AKAP9: variants seen among roughly 807,000 people sequenced by gnomAD.
AKAP9 encodes the protein A-kinase anchor protein 9.
A neutral mutation model predicts 488.5 loss-of-function variants in AKAP9; 311 were observed. That is an observed-to-expected ratio of 0.64 (90% confidence interval 0.58 to 0.70). The LOEUF is 0.70. Ranked by LOEUF, AKAP9 falls within the 30% of genes least tolerant of loss-of-function variation. AKAP9 has a pLI of 0.00. For missense variants in AKAP9, 4,215 were observed against 4,374.5 expected, an observed-to-expected ratio of 0.96 and a Z score of 1.03; for synonymous variants, 1,462 against 1,483.5, an observed-to-expected ratio of 0.99 and a Z score of 0.33.
chr7:92,017,200 G>C (rs1757119483), intron 12 of AKAP9, 98 bp downstream of exon 12: 1 of 929,952 alleles, frequency 1.1e-6, no homozygotes, highest in Non-Finnish European at 1.7e-6. Flanking sequence ...TAAAGTAAGA[G>C]AACATGAAAA....
intron 16 of AKAP9, among the ~76,000 whole-genome samples, chr7:92,034,383 T>G (rs1029640318): frequency 6.6e-6 from 1 of 151,532 alleles, no homozygotes; most frequent in Non-Finnish European, 1.5e-5. Flanking sequence ...TTTCTGCAGA[T>G]GTAACTGGAT....
chr7:92,070,827 C>CA, intron 27 of AKAP9, 78 bp from the exon 28 acceptor site: 1 of 648,452 alleles, frequency 1.5e-6, no homozygotes, highest in East Asian at 3.4e-5. Flanking sequence ...AAAAAAAAAG[C>CA]AGACCAAAAA....
chr7:92,110,106 T>C lies in AKAP9; in HGVS notation c.11687-16T>C, dbSNP rs549524911. 48 of 1,592,282 alleles carry C rather than the reference T, an allele frequency of 3.0e-5. No homozygotes were observed. Among genetic ancestry groups the C allele is most frequent in the Non-Finnish European group, 3.9e-5 (45 of 1,164,408 alleles). On this transcript the variant is annotated splice_polypyrimidine_tract_variant and intron_variant, in intron 49 of 49. Transcript: ENST00000356239. ...GTAATTTGAAATCAGTTGAATTTCC[T>C]GTTTTTCTCTCATAGGTTCAACTAC... is the stretch of plus-strand genomic sequence containing the variant.
At chr7:91,957,742 A>G (rs374627857) in intron 1 of AKAP9, among the ~76,000 whole-genome samples, 3 of 152,204 alleles carry the variant, frequency 2.0e-5, no homozygotes, top group African/African-American at 7.2e-5. Context: ...CAAATGATGA[A>G]AGTTCATTTC....
At chr7:92,067,305 C>G (rs904604179) in intron 26 of AKAP9, among the ~76,000 whole-genome samples, 1 of 152,200 alleles carries the variant, frequency 6.6e-6, no homozygotes, top group Non-Finnish European at 1.5e-5. Context: ...TTAGATGTCT[C>G]AAAATTAACA....
intron 16 of AKAP9, among the ~76,000 whole-genome samples, chr7:92,035,484 A>G (rs1474653817): frequency 1.3e-5 from 2 of 152,178 alleles, no homozygotes; most frequent in Non-Finnish European, 2.9e-5. Flanking sequence ...TTCCTTTAGC[A>G]TTTCTTTTAG....
In AKAP9 at chr7:92,108,534, G is replaced by C; in HGVS notation, c.11587G>C (p.Ala3863Pro). 3.7e-6 allele frequency: 6 copies of C among 1,614,112 alleles called. No individual in the cohort carries two copies. The highest frequency in any genetic ancestry group is 5.1e-6 in the Non-Finnish European group (6 of 1,180,018). Residue 3863 changes from alanine to proline, a missense_variant, in exon 49 of 50, where the codon GCA becomes CCA. Physicochemically the swap from Ala to Pro is conservative, Grantham distance 27. Around this residue, in one of 5 missense-constraint regions of AKAP9, gnomAD observed 253 missense variants for 266.8 expected, o/e 0.95. Transcript: ENST00000356239. The part of the protein sequence containing the change: ...TPADFNPGSL[A>P]CSQLQNYDPD... ...AGCTGATTTCAATCCTGGTTCTTTA[G>C]CATGTTCTCAGCTTCAGAATTACGA...
intron 12 of AKAP9, among the ~76,000 whole-genome samples, chr7:92,022,015 G>T (rs1430529533): frequency 6.6e-6 from 1 of 152,076 alleles, no homozygotes; most frequent in African/African-American, 2.4e-5. Flanking sequence ...AGATATCAAA[G>T]AACATTACTA....
chr7:91,945,439 G>A (rs1288512814), intron 1 of AKAP9, among the ~76,000 whole-genome samples: 1 of 152,174 alleles, frequency 6.6e-6, no homozygotes, highest in Non-Finnish European at 1.5e-5. Context: ...CCCAGGAGGT[G>A]GAGGTTGCAG....
chr7:91,995,074 G>C (rs1584761049), intron 6 of AKAP9, among the ~76,000 whole-genome samples: 2 of 152,222 alleles, frequency 1.3e-5, no homozygotes, highest in East Asian at 3.9e-4. Flanking sequence ...TCCTACCTTT[G>C]CCAATTCTGG....
At chr7:92,046,728 G>A (rs1051909485) in intron 21 of AKAP9, among the ~76,000 whole-genome samples, 1 of 152,090 alleles carries the variant, frequency 6.6e-6, no homozygotes, top group African/African-American at 2.4e-5. Context: ...AGAAGAATTA[G>A]GTAACATTTT....
intron 20 of AKAP9, 46 bp from the exon 21 acceptor site, chr7:92,044,962 T>G: frequency 6.7e-7 from 1 of 1,501,498 alleles, no homozygotes; most frequent in Non-Finnish European, 9.3e-7. Flanking sequence ...AAGTGTTTGC[T>G]TCAAAAATAT....
chr7:92,033,178 G>A (rs1804567557), intron 16 of AKAP9, among the ~76,000 whole-genome samples: 1 of 152,072 alleles, frequency 6.6e-6, no homozygotes, highest in South Asian at 2.1e-4. Context: ...TGATAGCAGA[G>A]CACCAAAGTA....
At position 92,067,485 on chromosome 7, in the gene AKAP9, T is replaced by G. The variant is rs1810960005; in HGVS notation, c.6330+939T>G. Among the ~76,000 whole-genome samples, 2 of 152,168 alleles carry G rather than the reference T, an allele frequency of 1.3e-5. 1 individual carries two copies. Among genetic ancestry groups the G allele is most frequent in the South Asian group, 4.1e-4 (2 of 4,828 alleles). On this transcript the variant is annotated intron_variant, in intron 26 of 49. Transcript: ENST00000356239. ...CTCTCAACCCCTGATTCCAACCCAC[T>G]GATGGGTCAGACTGCACTACATCTT...
At chr7:91,992,089 C>T (rs1227481438) in intron 3 of AKAP9, 69 bp from the exon 4 acceptor site, 3 of 1,302,724 alleles carry the variant, frequency 2.3e-6, no homozygotes, top group Non-Finnish European at 3.3e-6. Flanking sequence ...ATACAGTTAA[C>T]AGAAATATTG....
At chr7:92,006,741 A>G (rs1412427978) in intron 8 of AKAP9, among the ~76,000 whole-genome samples, 2 of 152,210 alleles carry the variant, frequency 1.3e-5, no homozygotes, top group Non-Finnish European at 2.9e-5. Context: ...AAAAATAAAA[A>G]CATCATAGAA....
intron 7 of AKAP9, among the ~76,000 whole-genome samples, chr7:91,998,187 G>A (rs115771201): frequency 0.014 from 2,195 of 152,158 alleles, 46 homozygotes; most frequent in African/African-American, 0.05. Flanking sequence ...CAGAGATCTC[G>A]CTGGTAATGC....
chr7:92,024,497 T>A (rs896052933), intron 14 of AKAP9, among the ~76,000 whole-genome samples: 37 of 151,100 alleles, frequency 2.4e-4, no homozygotes, highest in African/African-American at 8.3e-4. Flanking sequence ...GGGGGTAGAT[T>A]CATTTTTATT....
chr7:92,022,245 G>A lies in AKAP9; in HGVS notation c.3845G>A (p.Gly1282Glu), dbSNP rs1349408782. Reference sequence around the variant, plus strand: ...TTCTGTGGTTTTCAATAGATCTGGGGACAGCAGACAGATGGTATGAAACTT... The same window carrying A: ...TTCTGTGGTTTTCAATAGATCTGGGAACAGCAGACAGATGGTATGAAACTT... ...VLQTRLSKIW[G>E]QQTDGMKLEF... Residue 1282 changes from glycine (G) to glutamate (E), a missense_variant, in exon 13 of 50, where the codon GGA (glycine) becomes GAA (glutamate). Physicochemically the swap from Gly to Glu is moderately conservative, Grantham distance 98. Transcript: ENST00000356239. 2.5e-6 allele frequency: 4 copies of A among 1,608,582 alleles called. No individual in the cohort carries two copies. The highest frequency in any genetic ancestry group is 1.7e-5 in the Admixed American group (1 of 60,010).
Sources: gnomAD v4.1 joint callset for allele counts (sites outside exome capture counted in the v4.1 genomes callset) on GRCh38, gnomAD v4.1.1 for gene constraint, gnomAD v4.1.1 regional missense constraint, MANE v1.5 for transcripts, NCBI Gene and HGNC (gene_info 2026-07-23, HGNC 2026-07-21) for gene names.